TENM3: variants seen among roughly 807,000 people sequenced by gnomAD.
TENM3 encodes the protein teneurin-3.
Under a neutral mutation model 255.1 loss-of-function variants are expected in TENM3, and 63 were observed. That is an observed-to-expected ratio of 0.25 (90% CI 0.20 to 0.30). The LOEUF (loss-of-function observed/expected upper bound fraction) is 0.30. Ranked by LOEUF, TENM3 falls within the 10% of genes least tolerant of loss-of-function variation. The pLI, the probability that TENM3 is intolerant of heterozygous loss-of-function variation, is 1.00. For missense variants in TENM3, 2,929 were observed against 3,461.1 expected, an observed-to-expected ratio of 0.85 and a Z score of 3.86; for synonymous variants, 1,306 against 1,322.3, an observed-to-expected ratio of 0.99 and a Z score of 0.27.
chr4:182,463,733 C>G (rs1732300207), intron 3 of TENM3, among the ~76,000 whole-genome samples: 1 of 151,844 alleles, frequency 6.6e-6, no homozygotes. Flanking sequence ...AAGTGATTCT[C>G]CTGCCTCAGC....
chr4:181,551,766 TTTTA>T, the TENM3 span, among the ~76,000 whole-genome samples: 1 of 151,226 alleles, frequency 6.6e-6, no homozygotes, highest in South Asian at 2.1e-4. Flanking sequence ...ATTGCTGAGG[TTTTA>T]TTTGTTATTT....
At chr4:182,397,311 G>C (rs1351640348) in intron 3 of TENM3, among the ~76,000 whole-genome samples, 1 of 141,458 alleles carries the variant, frequency 7.1e-6, no homozygotes, top group African/African-American at 2.6e-5. Flanking sequence ...TGAGGCAGGA[G>C]AATCACTTGA....
At chr4:181,878,224 G>A in the TENM3 span, among the ~76,000 whole-genome samples, 1 of 152,116 alleles carries the variant, frequency 6.6e-6, no homozygotes, top group African/African-American at 2.4e-5. Flanking sequence ...ACAAGGCTGT[G>A]TATCATTATA....
intron 22 of TENM3, among the ~76,000 whole-genome samples, chr4:182,763,147 A>T (rs1433082112): frequency 6.6e-6 from 1 of 152,228 alleles, no homozygotes; most frequent in Non-Finnish European, 1.5e-5. Context: ...TTAATAAAAA[A>T]CTGTATAAAA....
chr4:181,916,278 A>C, the TENM3 span, among the ~76,000 whole-genome samples: 1 of 152,162 alleles, frequency 6.6e-6, no homozygotes. Context: ...GTCCTTTCTA[A>C]CATCGAATTA....
chr4:181,742,150 A>T, the TENM3 span, among the ~76,000 whole-genome samples: 1 of 152,026 alleles, frequency 6.6e-6, no homozygotes, highest in Non-Finnish European at 1.5e-5. Flanking sequence ...ATGTAGATTT[A>T]TTTAAAACAT....
intron 1 of TENM3, among the ~76,000 whole-genome samples, chr4:182,297,959 G>C (rs1761600339): frequency 6.6e-6 from 1 of 152,168 alleles, no homozygotes; most frequent in Non-Finnish European, 1.5e-5. Context: ...CCCACACGAG[G>C]CCTGTGCTGC....
chr4:182,300,174 A>G (rs1761765828), intron 1 of TENM3, among the ~76,000 whole-genome samples: 1 of 152,144 alleles, frequency 6.6e-6, no homozygotes, highest in Admixed American at 6.5e-5. Flanking sequence ...TCTGCCTCCC[A>G]AAGTGCTTGG....
chr4:182,594,683 GGTGTGTGTGTGTGTGTGT>G (rs67667219), intron 3 of TENM3, among the ~76,000 whole-genome samples: 37 of 138,250 alleles, frequency 2.7e-4, no homozygotes, highest in Middle Eastern at 3.6e-3. Context: ...TTTTTGTTTT[GGTGTGTGTGTGTGTGTGT>G]GTGTGTGTGT....
chr4:182,021,881 T>A, the TENM3 span, among the ~76,000 whole-genome samples: 2 of 152,066 alleles, frequency 1.3e-5, no homozygotes, highest in Non-Finnish European at 2.9e-5. Context: ...TTATTAAAAG[T>A]CAAAAAATAA....
chr4:182,562,355 G>A (rs1053950744), intron 3 of TENM3, among the ~76,000 whole-genome samples: 2 of 152,096 alleles, frequency 1.3e-5, no homozygotes, highest in Admixed American at 6.6e-5. Context: ...GCTGAATTGT[G>A]TCCTCTCAAA....
the TENM3 span, among the ~76,000 whole-genome samples, chr4:181,601,722 A>G: frequency 6.6e-6 from 1 of 152,100 alleles, no homozygotes; most frequent in East Asian, 1.9e-4. Flanking sequence ...TGGCCCCGTC[A>G]CGTTAGACTG....
intron 11 of TENM3, 59 bp downstream of exon 11, chr4:182,682,073 A>G (rs1033814359): frequency 4.9e-5 from 69 of 1,415,630 alleles, no homozygotes; most frequent in Non-Finnish European, 6.7e-5. Context: ...TAAAGATGAT[A>G]TTTTAATCTT....
At chr4:182,714,810 A>C (rs543528825) in intron 13 of TENM3, among the ~76,000 whole-genome samples, 1 of 152,316 alleles carries the variant, frequency 6.6e-6, no homozygotes, top group South Asian at 2.1e-4. Flanking sequence ...ACTGTATTTT[A>C]ATTTCAGGGA....
At chr4:181,882,069 T>A in the TENM3 span, among the ~76,000 whole-genome samples, 4 of 152,228 alleles carry the variant, frequency 2.6e-5, no homozygotes, top group East Asian at 7.7e-4. Context: ...ATTCTGGAAG[T>A]TCAAGGTTTT....
At chr4:182,112,027 C>A in the TENM3 span, among the ~76,000 whole-genome samples, 1 of 152,242 alleles carries the variant, frequency 6.6e-6, no homozygotes, top group Admixed American at 6.5e-5. Context: ...GGGTGGCTCA[C>A]ACTTGTAATC....
At chr4:181,818,983 A>T in the TENM3 span, among the ~76,000 whole-genome samples, 1 of 152,076 alleles carries the variant, frequency 6.6e-6, no homozygotes, top group East Asian at 1.9e-4. Flanking sequence ...GCCCATGAAG[A>T]CCATGACCAT....
At chr4:182,606,471 C>T (rs1256241050) in intron 4 of TENM3, among the ~76,000 whole-genome samples, 2 of 144,500 alleles carry the variant, frequency 1.4e-5, no homozygotes, top group African/African-American at 5.1e-5. Context: ...TTGCAGTGAG[C>T]CAAGATCTCA....
At chr4:181,720,184 C>T in the TENM3 span, among the ~76,000 whole-genome samples, 24 of 152,090 alleles carry the variant, frequency 1.6e-4, no homozygotes, top group Non-Finnish European at 2.6e-4. Context: ...GAAACAGAAT[C>T]GCATTCTTTG....
Sources: gnomAD v4.1 joint callset for allele counts (sites outside exome capture counted in the v4.1 genomes callset) on GRCh38, gnomAD v4.1.1 for gene constraint, MANE v1.5 for transcripts, NCBI Gene and HGNC (gene_info 2026-07-23, HGNC 2026-07-21) for gene names.